The following RAD51B variants were observed in gnomAD, a reference collection of about 807,000 sequenced individuals.
RAD51B encodes RAD51 paralog B.
RAD51B carries 38 observed loss-of-function variants against 42.2 expected under a neutral mutation model. The observed-to-expected ratio is 0.90, with a 90% confidence interval of 0.70 to 1.18. The LOEUF (loss-of-function observed/expected upper bound fraction) is 1.18, where lower values mean the gene tolerates loss of function less well. Ranked by LOEUF, RAD51B falls within the 50% of genes most tolerant of loss-of-function variation. RAD51B has a pLI of 0.00. For synonymous variants in RAD51B, 154 were observed against 145.2 expected (o/e 1.06, Z -0.43); for missense variants, 373 against 400.7 (o/e 0.93, Z 0.59).
At chr14:68,573,129 T>C (rs1314212056) in intron 10 of RAD51B, among the ~76,000 whole-genome samples, 1 of 152,156 alleles carries the variant, frequency 6.6e-6, no homozygotes, top group African/African-American at 2.4e-5. Flanking sequence ...GTGAACTGTA[T>C]GTACAATGGA....
intron 7 of RAD51B, among the ~76,000 whole-genome samples, chr14:67,989,635 C>CAAAAAAAAAAAAAAAA (rs764608072): frequency 7.5e-5 from 5 of 66,840 alleles, no homozygotes; most frequent in African/African-American, 1.2e-4. Flanking sequence ...AACTCTGTCT[C>CAAAAAAAAAAAAAAAA]AAAAAAAAAA....
intron 7 of RAD51B, among the ~76,000 whole-genome samples, chr14:68,034,913 C>G (rs2076098276): frequency 6.6e-6 from 1 of 151,988 alleles, no homozygotes; most frequent in Non-Finnish European, 1.5e-5. Flanking sequence ...ACATTTATCA[C>G]CATGCACCTT....
At chr14:68,485,861 T>C (rs1883583178) in intron 10 of RAD51B, among the ~76,000 whole-genome samples, 1 of 152,276 alleles carries the variant, frequency 6.6e-6, no homozygotes, top group Admixed American at 6.5e-5. Context: ...CAAATCTTCA[T>C]GATGGTTTTT....
At chr14:67,998,947 G>A (rs563190855) in intron 7 of RAD51B, among the ~76,000 whole-genome samples, 2 of 144,052 alleles carry the variant, frequency 1.4e-5, no homozygotes, top group South Asian at 2.2e-4. Flanking sequence ...TCTCTGCATA[G>A]CTCTTCCTCT....
At chr14:68,258,972 G>T (rs900583079) in intron 7 of RAD51B, among the ~76,000 whole-genome samples, 1 of 152,186 alleles carries the variant, frequency 6.6e-6, no homozygotes, top group Non-Finnish European at 1.5e-5. Context: ...TCAGACCAGA[G>T]TGACCTGTCC....
At chr14:68,649,075 TA>T (rs1279091571) in intron 10 of RAD51B, among the ~76,000 whole-genome samples, 7 of 151,810 alleles carry the variant, frequency 4.6e-5, no homozygotes, top group Non-Finnish European at 1.0e-4. Context: ...GAGAAAGGAT[TA>T]AAACATTTTA....
At chr14:67,955,891 G>C (rs2074537335) in intron 7 of RAD51B, among the ~76,000 whole-genome samples, 1 of 152,202 alleles carries the variant, frequency 6.6e-6, no homozygotes, top group Non-Finnish European at 1.5e-5. Context: ...TGGGGTAGGA[G>C]TTTGGCTTTT....
At chr14:68,318,349 A>T (rs551061697) in intron 8 of RAD51B, among the ~76,000 whole-genome samples, 1 of 152,306 alleles carries the variant, frequency 6.6e-6, no homozygotes, top group South Asian at 2.1e-4. Flanking sequence ...AAGAGTAGTC[A>T]CTGCACCTGA....
At chr14:68,108,301 C>T (rs117232919) in intron 7 of RAD51B, among the ~76,000 whole-genome samples, 2,066 of 151,972 alleles carry the variant, frequency 0.014, 21 homozygotes, top group African/African-American at 0.019. Context: ...AATATGTTTA[C>T]ACAAAACTTT....
intron 7 of RAD51B, among the ~76,000 whole-genome samples, chr14:68,053,413 C>A (rs1404567257): frequency 2.0e-5 from 3 of 152,142 alleles, no homozygotes; most frequent in African/African-American, 7.2e-5. Context: ...TCAAACAGAA[C>A]CCATCTGTTT....
intron 7 of RAD51B, among the ~76,000 whole-genome samples, chr14:68,062,830 AAG>A (rs1491051410): frequency 2.7e-4 from 38 of 142,992 alleles, no homozygotes; most frequent in African/African-American, 7.1e-4. Context: ...AAAAAAAAAA[AAG>A]AAAAAAAAAA....
chr14:68,125,317 C>G (rs1459304090), intron 7 of RAD51B: 1 of 152,190 alleles, frequency 6.6e-6, no homozygotes, highest in Non-Finnish European at 1.5e-5. Flanking sequence ...CTCTCAGATG[C>G]CAGATACCTG....
At chr14:68,530,308 A>C (rs897924904) in intron 10 of RAD51B, among the ~76,000 whole-genome samples, 1 of 151,856 alleles carries the variant, frequency 6.6e-6, no homozygotes, top group Non-Finnish European at 1.5e-5. Context: ...AATGCCAGTC[A>C]TAATGGCATG....
intron 8 of RAD51B, among the ~76,000 whole-genome samples, chr14:68,392,746 G>A (rs552990058): frequency 4.3e-4 from 65 of 152,294 alleles, no homozygotes; most frequent in African/African-American, 1.4e-3. Context: ...ACTGAGATTC[G>A]GAGGTAAAGA....
At chr14:68,001,720 C>G (rs960224252) in intron 7 of RAD51B, among the ~76,000 whole-genome samples, 12 of 152,106 alleles carry the variant, frequency 7.9e-5, no homozygotes, top group African/African-American at 2.7e-4. Context: ...ATCCAAGGCC[C>G]CACTATGTAT....
intron 7 of RAD51B, among the ~76,000 whole-genome samples, chr14:68,137,083 C>T (rs1277611756): frequency 6.6e-6 from 1 of 152,164 alleles, no homozygotes; most frequent in Non-Finnish European, 1.5e-5. Flanking sequence ...CGAGAGCAGC[C>T]TAGCCAACAT....
Position 68,595,294 on chromosome 14 carries a change from G to A in RAD51B, c.*691G>A, listed in dbSNP as rs1014632231. 71 of 1,065,512 alleles carry A rather than the reference G, an allele frequency of 6.7e-5. 1 individual carries two copies. The highest frequency in any genetic ancestry group is 3.3e-4 in the African/African-American group (20 of 61,208). 66.0% of individuals were successfully genotyped at this position (1,065,512 alleles called of 1,614,324 possible). ...AGGTTTACCTTGCTAAAGGCATTTC[G>A]CTTCCTTTGCTGTTACAATAAGCTT... is the stretch of plus-strand genomic sequence containing the variant. On this transcript the variant is annotated 3_prime_UTR_variant, in exon 11 of 11. Coordinates refer to the RAD51B transcript ENST00000487270.
At position 68,537,335 on chromosome 14, in the gene RAD51B, A is replaced by G. The variant is rs1035404540; in HGVS notation, c.1037-57150A>G. On this transcript the variant is annotated intron_variant, in intron 10 of 10. Coordinates refer to the RAD51B transcript ENST00000487270. Reference sequence around the variant, plus strand: ...AACACGGTGAAACCCCGTCTCTACTAAAAATACAAAAAAATTAGCTGGTCG... The same window carrying G: ...AACACGGTGAAACCCCGTCTCTACTGAAAATACAAAAAAATTAGCTGGTCG... Among the ~76,000 whole-genome samples, 3 of 151,872 alleles carry G rather than the reference A, an allele frequency of 2.0e-5. No homozygotes were observed. The East Asian group carries it at 5.8e-4, about 29-fold the overall frequency.
At chr14:68,551,003 T>C (rs1245635712) in intron 10 of RAD51B, among the ~76,000 whole-genome samples, 1 of 151,530 alleles carries the variant, frequency 6.6e-6, no homozygotes, top group Non-Finnish European at 1.5e-5. Flanking sequence ...GTGGAGGGGG[T>C]ACAAAAGTTT....
Sources: gnomAD v4.1 joint callset for allele counts (sites outside exome capture counted in the v4.1 genomes callset) on GRCh38, gnomAD v4.1.1 for gene constraint, MANE v1.5 for transcripts, NCBI Gene and HGNC (gene_info 2026-07-23, HGNC 2026-07-21) for gene names.